KPNA6: variants seen among roughly 807,000 people sequenced by gnomAD.
KPNA6 encodes the protein karyopherin subunit alpha 6, also known as importin subunit alpha-7.
In KPNA6, 9 loss-of-function variants were observed where a neutral mutation model predicts 72.0. The ratio of observed to expected loss-of-function variants is 0.13; its 90% CI spans 0.08 to 0.22. KPNA6 has a LOEUF of 0.22. Among genes scored for constraint, KPNA6 ranks in the 10% least tolerant of loss-of-function variants. KPNA6 has a pLI of 1.00. For missense variants in KPNA6, 374 were observed against 655.7 expected, an observed-to-expected ratio of 0.57 and a Z score of 4.69; for synonymous variants, 219 against 242.1, an observed-to-expected ratio of 0.90 and a Z score of 0.89.
At chr1:32,134,208 GA>G (rs1641693963) in intron 1 of KPNA6, among the ~76,000 whole-genome samples, 1 of 150,086 alleles carries the variant, frequency 6.7e-6, no homozygotes, top group East Asian at 2.0e-4. Context: ...AGTGAGCCGA[GA>G]TTGCACCATT....
chr1:32,161,438 AG>A (rs1281402524), intron 7 of KPNA6, among the ~76,000 whole-genome samples: 8 of 152,208 alleles, frequency 5.3e-5, no homozygotes, highest in African/African-American at 1.9e-4. Context: ...GTACCCTTAG[AG>A]TAAACTATGC....
intron 1 of KPNA6, among the ~76,000 whole-genome samples, chr1:32,143,587 G>GA (rs1176250291): frequency 7.1e-6 from 1 of 141,374 alleles, no homozygotes; most frequent in East Asian, 2.1e-4. Flanking sequence ...AAAAAAAAAA[G>GA]AAAAGAAAAA....
At position 32,166,168 on chromosome 1, in the gene KPNA6, A is replaced by G; in HGVS notation, c.1054A>G (p.Ile352Val). Residue 352 changes from isoleucine to valine, a missense_variant, in exon 11 of 14, where the codon ATC (isoleucine) becomes GTC (valine). Coordinates refer to ENST00000373625, the MANE Select transcript of KPNA6 (RefSeq NM_012316.5). Reference sequence around the variant, plus strand: ...CTTGTTGAGCAGTCCCAAGGAGTCAATCCGGAAGGAAGCTTGCTGGACTAT... The same window carrying G: ...CTTGTTGAGCAGTCCCAAGGAGTCAGTCCGGAAGGAAGCTTGCTGGACTAT... ...LHLLSSPKES[I>V]RKEACWTISN... 1.2e-6 allele frequency: 2 copies of G among 1,614,110 alleles called. No individual in the cohort carries two copies. Among genetic ancestry groups the G allele is most frequent in the Non-Finnish European group, 1.7e-6 (2 of 1,180,018 alleles).
intron 1 of KPNA6, among the ~76,000 whole-genome samples, chr1:32,142,768 A>G (rs1451716382): frequency 6.6e-6 from 1 of 152,208 alleles, no homozygotes; most frequent in Non-Finnish European, 1.5e-5. Context: ...AAGGGAGTAC[A>G]TAATGGAAAA....
chr1:32,163,433 A>G, intron 10 of KPNA6, 120 bp downstream of exon 10: 1 of 693,384 alleles, frequency 1.4e-6, no homozygotes, highest in Non-Finnish European at 2.6e-6. Flanking sequence ...ACTATGGTCT[A>G]AGGAAGTAAG....
Position 32,108,093 on chromosome 1 carries a change from G to T in KPNA6, c.-38G>T, listed in dbSNP as rs988209869. On this transcript the variant is annotated 5_prime_UTR_variant, in exon 1 of 14. Transcript: ENST00000373625. ...GAAAGCTGCCGCTGAAGCTGCCGCC[G>T]TTGCCTCCGCCGCCAAGAGTGAGCG... 6.2e-7 allele frequency: 1 copy of T among 1,613,662 alleles called. No individual in the cohort carries two copies. The highest frequency in any genetic ancestry group is 8.5e-7 in the Non-Finnish European group (1 of 1,179,734).
Position 32,174,924 on chromosome 1 carries a change from A to AC in KPNA6, c.*4032dup, listed in dbSNP as rs1642500362. 2 of 152,186 alleles carry AC rather than the reference A, an allele frequency of 1.3e-5. No individual in the cohort carries two copies. The highest frequency in any genetic ancestry group is 4.1e-4 in the South Asian group (2 of 4,832). 9.4% of individuals were successfully genotyped at this position (152,186 alleles called of 1,614,324 possible). A position where few individuals can be genotyped will look rare whatever the true frequency, so the allele number is the denominator to read the frequency against. Reference sequence around the variant, plus strand: ...ATTTAGGATTGCATGTTCTGGACCAACCTTGTCCAGTATGTTTTCTGTTTG... The same window carrying AC: ...ATTTAGGATTGCATGTTCTGGACCAACCCTTGTCCAGTATGTTTTCTGTTTG... On this transcript the variant is annotated 3_prime_UTR_variant, in exon 14 of 14. Coordinates refer to ENST00000373625, the MANE Select transcript of KPNA6 (RefSeq NM_012316.5).
intron 11 of KPNA6, 54 bp from the exon 12 acceptor site, chr1:32,167,115 A>T (rs1360334799): frequency 1.9e-6 from 3 of 1,596,828 alleles, no homozygotes; most frequent in Non-Finnish European, 2.6e-6. Context: ...AGATTTATTT[A>T]TCATGCTGAA....
intron 1 of KPNA6, among the ~76,000 whole-genome samples, chr1:32,114,441 C>CAAAAAAAA (rs1251610614): frequency 3.0e-5 from 4 of 135,332 alleles, no homozygotes; most frequent in African/African-American, 1.1e-4. Flanking sequence ...AACTCTGTCT[C>CAAAAAAAA]AAAAAAAAAA....
chr1:32,166,209 T>A lies in KPNA6; in HGVS notation c.1095T>A (p.Ala365=). The A allele has an allele frequency of 6.2e-7, 1 of 1,614,052 alleles. No homozygotes were observed. Among genetic ancestry groups the A allele is most frequent in the Non-Finnish European group, 8.5e-7 (1 of 1,179,986 alleles). The change falls in exon 11 of 14, where the codon GCT becomes GCA. Residue 365 remains alanine (A), a synonymous_variant. Coordinates refer to ENST00000373625, the MANE Select transcript of KPNA6 (RefSeq NM_012316.5). ...GCTGGACTATTTCAAATATTACTGC[T>A]GGCAACAGGGCTCAAATACAGGTAA... ...EACWTISNIT[A]GNRAQIQAVI... is the part of the protein sequence containing the mutation.
At chr1:32,165,577 A>G (rs1642317672) in intron 10 of KPNA6, among the ~76,000 whole-genome samples, 2 of 152,062 alleles carry the variant, frequency 1.3e-5, no homozygotes, top group South Asian at 4.1e-4. Context: ...CCTGCTACTC[A>G]GGAGTCCCCA....
Position 32,163,449 on chromosome 1 carries a change from GCT to G in KPNA6, c.990+137_990+138del. ...CTATGGTCTAAGGAAGTAAGTGTGG[GCT>G]TGAGTGAAAAGTTCCAGCTCTGTTA... is the stretch of plus-strand genomic sequence containing the variant. On this transcript the variant is annotated intron_variant, in intron 10 of 13. Transcript: ENST00000373625. 3 of 627,438 alleles carry G rather than the reference GCT, an allele frequency of 4.8e-6. No homozygotes were observed. In the East Asian group the frequency reaches 8.3e-5, roughly 17 times the overall value. 38.9% of individuals were successfully genotyped at this position (627,438 alleles called of 1,614,324 possible).
chr1:32,145,022 G>A (rs561874814), intron 1 of KPNA6, among the ~76,000 whole-genome samples: 11 of 148,064 alleles, frequency 7.4e-5, no homozygotes, highest in African/African-American at 2.2e-4. Flanking sequence ...GCGCGATCTC[G>A]GCTCACTGCA....
intron 1 of KPNA6, among the ~76,000 whole-genome samples, chr1:32,141,805 A>C (rs1179755580): frequency 6.6e-6 from 1 of 152,112 alleles, no homozygotes; most frequent in Non-Finnish European, 1.5e-5. Context: ...GGCTTAATTA[A>C]CTTGAATTTG....
intron 6 of KPNA6, among the ~76,000 whole-genome samples, chr1:32,160,225 G>A (rs866906316): frequency 6.6e-6 from 1 of 151,696 alleles, no homozygotes; most frequent in African/African-American, 2.4e-5. Context: ...ACTTGAACCC[G>A]GGAGGTGGAG....
intron 1 of KPNA6, among the ~76,000 whole-genome samples, chr1:32,133,088 A>G (rs973934579): frequency 6.6e-6 from 1 of 152,042 alleles, no homozygotes; most frequent in African/African-American, 2.4e-5. Context: ...TCACACCTGT[A>G]ATCCCAGCAC....
In KPNA6 at chr1:32,159,462, C is replaced by A. The variant is rs753080316; in HGVS notation, c.489C>A (p.Val163=). Residue 163 remains valine, a synonymous_variant, in exon 6 of 14, where the codon GTC becomes GTA. Transcript: ENST00000373625. Reference sequence around the variant, plus strand: ...GAACCTCTCAGCAGACCAAAATTGTCATTGAAGCAGGGGCTGTCCCCATTT... The same window carrying A: ...GAACCTCTCAGCAGACCAAAATTGTAATTGAAGCAGGGGCTGTCCCCATTT... ...ASGTSQQTKI[V]IEAGAVPIFI... 55 of 1,614,004 alleles carry A rather than the reference C, an allele frequency of 3.4e-5. No homozygotes were observed. Among genetic ancestry groups the A allele is most frequent in the African/African-American group, 6.7e-5 (5 of 74,920 alleles).
intron 1 of KPNA6, among the ~76,000 whole-genome samples, chr1:32,147,248 A>G (rs1016636717): frequency 1.3e-5 from 2 of 152,154 alleles, no homozygotes; most frequent in Non-Finnish European, 2.9e-5. Flanking sequence ...TGTCAGATAT[A>G]GAATTCTTGC....
In KPNA6 at chr1:32,170,911, G is replaced by T; in HGVS notation, c.*17G>T. 2 of 1,611,176 alleles carry T rather than the reference G, an allele frequency of 1.2e-6. No homozygotes were observed. The highest frequency in any genetic ancestry group is 1.3e-5 in the African/African-American group (1 of 74,960). On this transcript the variant is annotated 3_prime_UTR_variant, in exon 14 of 14. Transcript: ENST00000373625. Reference sequence around the variant, plus strand: ...CAGCTATAATATCTGCCTCCAGGGAGGGGAGGGGATGGGAAGCACCACCAG... The same window carrying T: ...CAGCTATAATATCTGCCTCCAGGGATGGGAGGGGATGGGAAGCACCACCAG...
Sources: gnomAD v4.1 joint callset for allele counts (sites outside exome capture counted in the v4.1 genomes callset) on GRCh38, gnomAD v4.1.1 for gene constraint, MANE v1.5 for transcripts, NCBI Gene and HGNC (gene_info 2026-07-23, HGNC 2026-07-21) for gene names.